The following RANBP2 variants were observed in gnomAD, a reference collection of about 807,000 sequenced individuals.
The protein encoded by RANBP2 is E3 SUMO-protein ligase RanBP2.
In RANBP2, 57 loss-of-function variants were observed where a neutral mutation model predicts 303.6. That is an observed-to-expected ratio of 0.19 (90% CI 0.15 to 0.23). RANBP2 has a LOEUF of 0.23. Among genes scored for constraint, RANBP2 ranks in the 10% least tolerant of loss-of-function variants. The pLI, the probability that RANBP2 is intolerant of heterozygous loss-of-function variation, is 1.00. For missense variants in RANBP2, 3,138 were observed against 3,780.8 expected (o/e 0.83, Z 4.46); for synonymous variants, 1,167 against 1,301.5 (o/e 0.90, Z 2.23).
At chr2:109,705,020 A>G in the RANBP2 span, among the ~76,000 whole-genome samples, 1 of 151,754 alleles carries the variant, frequency 6.6e-6, no homozygotes, top group Non-Finnish European at 1.5e-5. Flanking sequence ...CAAATTAAAA[A>G]CAAAATGGAG....
the RANBP2 span, among the ~76,000 whole-genome samples, chr2:109,600,919 TAAAC>T: frequency 6.6e-6 from 1 of 152,172 alleles, no homozygotes; most frequent in Non-Finnish European, 1.5e-5. Context: ...AAGATACAAA[TAAAC>T]AGCCAGATAA....
chr2:109,547,124 A>T, the RANBP2 span, among the ~76,000 whole-genome samples: 10 of 152,148 alleles, frequency 6.6e-5, no homozygotes, highest in Admixed American at 3.3e-4. Context: ...GGGCCTGGAG[A>T]CTGGTACCAG....
chr2:109,182,367 A>G, the RANBP2 span, among the ~76,000 whole-genome samples: 1 of 152,220 alleles, frequency 6.6e-6, no homozygotes, highest in Non-Finnish European at 1.5e-5. Context: ...TAACCCACTT[A>G]GGAAGGTGAA....
chr2:108,725,330 T>C (rs1486023502), intron 1 of RANBP2, among the ~76,000 whole-genome samples: 7 of 152,354 alleles, frequency 4.6e-5, no homozygotes, highest in East Asian at 1.9e-4. Flanking sequence ...AAAGATCATA[T>C]AGAAGAATAA....
chr2:109,449,561 G>A, the RANBP2 span: 11 of 1,528,454 alleles, frequency 7.2e-6, no homozygotes, highest in Non-Finnish European at 7.9e-6. Flanking sequence ...GCACTAGATG[G>A]CAGTGGCATT....
the RANBP2 span, among the ~76,000 whole-genome samples, chr2:109,663,405 G>C: frequency 6.6e-6 from 1 of 152,200 alleles, no homozygotes; most frequent in Non-Finnish European, 1.5e-5. Context: ...CCACTGTGGA[G>C]TACCTACTGT....
At chr2:109,420,879 T>A in the RANBP2 span, among the ~76,000 whole-genome samples, 1 of 152,174 alleles carries the variant, frequency 6.6e-6, no homozygotes, top group African/African-American at 2.4e-5. Flanking sequence ...CTTTCTTAAG[T>A]GGTGGGCAGG....
the RANBP2 span, among the ~76,000 whole-genome samples, chr2:109,628,808 T>C: frequency 2.7e-5 from 4 of 147,692 alleles, no homozygotes; most frequent in Non-Finnish European, 6.0e-5. Context: ...TACAGTAGAT[T>C]TTTTTTAACC....
chr2:109,393,347 A>G, the RANBP2 span, among the ~76,000 whole-genome samples: 112 of 152,330 alleles, frequency 7.4e-4, no homozygotes, highest in South Asian at 4.8e-3. Context: ...TGCTACAACA[A>G]TGGCATCTGC....
the RANBP2 span, among the ~76,000 whole-genome samples, chr2:108,860,950 T>TTTTTTTTTTTTTTTG: frequency 1.4e-5 from 2 of 141,880 alleles, 1 homozygote; most frequent in Non-Finnish European, 3.1e-5. Flanking sequence ...TTTTTTTTTT[T>TTTTTTTTTTTTTTTG]TTTTTTTTGG....
the RANBP2 span, among the ~76,000 whole-genome samples, chr2:109,303,924 T>C: frequency 0.02 from 2,995 of 152,064 alleles, 35 homozygotes; most frequent in South Asian, 0.028. Flanking sequence ...CTATAAGATA[T>C]AACCCCGTCT....
At chr2:109,705,431 A>G in the RANBP2 span, among the ~76,000 whole-genome samples, 2 of 152,204 alleles carry the variant, frequency 1.3e-5, no homozygotes, top group African/African-American at 2.4e-5. Flanking sequence ...CAAAAAAACC[A>G]AAGTGGAATA....
At chr2:109,702,905 C>G in the RANBP2 span, among the ~76,000 whole-genome samples, 1 of 151,714 alleles carries the variant, frequency 6.6e-6, no homozygotes, top group Non-Finnish European at 1.5e-5. Flanking sequence ...ATTCCCAGAC[C>G]TCAGCTCCGG....
At chr2:109,138,085 G>T in the RANBP2 span, among the ~76,000 whole-genome samples, 1 of 152,178 alleles carries the variant, frequency 6.6e-6, no homozygotes. Context: ...GCACGATCTC[G>T]ACTCACTGCT....
the RANBP2 span, among the ~76,000 whole-genome samples, chr2:108,835,304 A>G: frequency 6.6e-6 from 1 of 152,232 alleles, no homozygotes; most frequent in African/African-American, 2.4e-5. Flanking sequence ...AAACTGTTCA[A>G]TGATTGAGTG....
At chr2:109,281,134 T>C in the RANBP2 span, among the ~76,000 whole-genome samples, 1 of 152,200 alleles carries the variant, frequency 6.6e-6, no homozygotes, top group South Asian at 2.1e-4. Flanking sequence ...AGTTGTCACC[T>C]ATGCCATAGG....
chr2:109,011,009 C>T, the RANBP2 span, among the ~76,000 whole-genome samples: 1 of 152,158 alleles, frequency 6.6e-6, no homozygotes, highest in South Asian at 2.1e-4. Flanking sequence ...CAGTCTCATG[C>T]AAGGTGTCTC....
the RANBP2 span, chr2:109,129,413 A>G: frequency 7.6e-6 from 11 of 1,450,426 alleles, no homozygotes; most frequent in Admixed American, 4.1e-5. Flanking sequence ...GCATCGGGCC[A>G]CCAGCCGGGG....
the RANBP2 span, among the ~76,000 whole-genome samples, chr2:109,292,987 C>T: frequency 1.3e-5 from 2 of 152,226 alleles, no homozygotes; most frequent in East Asian, 1.9e-4. Context: ...CCATCTCAGC[C>T]TCCCAAAGTT....
Sources: allele counts gnomAD v4.1 joint callset (sites outside exome capture counted in the v4.1 genomes callset), GRCh38; gene constraint gnomAD v4.1.1; transcripts MANE v1.5; gene names NCBI Gene and HGNC (gene_info 2026-07-23, HGNC 2026-07-21).